The following HPS5 variants were observed in gnomAD, a reference collection of about 807,000 sequenced individuals.
HPS5 encodes the protein BLOC-2 complex member HPS5.
Under a neutral mutation model 128.0 loss-of-function variants are expected in HPS5, and 83 were observed. That is an observed-to-expected ratio of 0.65 (90% CI 0.54 to 0.78). HPS5 has a LOEUF of 0.78. HPS5 is among the 30% of genes least tolerant of loss of function. HPS5 has a pLI of 0.00. For missense variants in HPS5, 1,281 were observed against 1,326.2 expected (o/e 0.97, Z 0.53); for synonymous variants, 475 against 470.2 (o/e 1.01, Z -0.13).
intron 22 of HPS5, chr11:18,280,684 T>G: frequency 1.6e-6 from 1 of 639,670 alleles, no homozygotes; most frequent in South Asian, 1.8e-5. Flanking sequence ...GGCATATATA[T>G]ACAACGGAAT....
At chr11:18,317,225 G>A (rs1277671688) in intron 2 of HPS5, among the ~76,000 whole-genome samples, 1 of 147,304 alleles carries the variant, frequency 6.8e-6, no homozygotes, top group Non-Finnish European at 1.5e-5. Context: ...AGAGACTACT[G>A]TTTCATTCCA....
chr11:18,300,495 G>C (rs956725219), intron 9 of HPS5, among the ~76,000 whole-genome samples: 3 of 151,916 alleles, frequency 2.0e-5, no homozygotes, highest in African/African-American at 7.3e-5. Context: ...TCAGGAATTC[G>C]AGACCAGCCT....
At position 18,292,871 on chromosome 11, in the gene HPS5, C is replaced by T. The variant is rs566541294; in HGVS notation, c.1862+28G>A. The stretch of plus-strand genomic sequence containing the variant: ...CGTTTACTAAACTGCCTTGAGACGT[C>T]ACTATAAAAGTTTCTCATTATACTC... On this transcript the variant is annotated intron_variant, in intron 15 of 22. Coordinates refer to ENST00000349215, the MANE Select transcript of HPS5 (RefSeq NM_181507.2). 126 of 1,543,724 alleles carry T rather than the reference C, an allele frequency of 8.2e-5. 1 individual carries two copies. In the South Asian group the frequency reaches 1.3e-3, roughly 16 times the overall value.
chr11:18,308,232 A>G (rs183016177), intron 6 of HPS5, among the ~76,000 whole-genome samples: 6 of 152,272 alleles, frequency 3.9e-5, no homozygotes, highest in Admixed American at 3.9e-4. Flanking sequence ...TACCCTTGAG[A>G]TTTTGATGAA....
intron 2 of HPS5, among the ~76,000 whole-genome samples, chr11:18,312,877 A>G (rs1564979560): frequency 6.6e-6 from 1 of 152,238 alleles, no homozygotes. Context: ...CACTAAACCC[A>G]GAACACTAAC....
intron 8 of HPS5, 121 bp from the exon 9 acceptor site, chr11:18,301,037 G>C: frequency 1.4e-6 from 1 of 706,078 alleles, no homozygotes; most frequent in South Asian, 1.6e-5. Flanking sequence ...GAAAACACAA[G>C]AGTGATCCAG....
At chr11:18,301,524 C>A (rs1461679780) in intron 8 of HPS5, among the ~76,000 whole-genome samples, 1 of 150,746 alleles carries the variant, frequency 6.6e-6, no homozygotes, top group Non-Finnish European at 1.5e-5. Context: ...GCTTAGGGAC[C>A]TTTACCTGAT....
chr11:18,295,190 A>G, intron 13 of HPS5, 21 bp from the exon 14 acceptor site: 1 of 1,609,308 alleles, frequency 6.2e-7, no homozygotes, highest in Non-Finnish European at 8.5e-7. Context: ...AATAACAAAA[A>G]ACTAACATGA....
At chr11:18,304,149 T>C (rs1439494728) in intron 8 of HPS5, among the ~76,000 whole-genome samples, 2 of 152,004 alleles carry the variant, frequency 1.3e-5, no homozygotes, top group Non-Finnish European at 2.9e-5. Flanking sequence ...AATAAATAAA[T>C]GTCTTTCTCT....
At position 18,279,933 on chromosome 11, in the gene HPS5, T is replaced by G; in HGVS notation, c.3339A>C (p.Ile1113=). Residue 1113 remains isoleucine, a synonymous_variant, in exon 23 of 23, where the codon ATA becomes ATC. Coordinates refer to ENST00000349215, the MANE Select transcript of HPS5 (RefSeq NM_181507.2). ...RIAEKRQRAL[I]QSMLEKCDRF... ...GATCGCATTTTTCAAGCATGCTTTGTATCAAGGCCCTGAAATCCCAAAGAA... is the reference window on the plus strand; with the variant it reads ...GATCGCATTTTTCAAGCATGCTTTGGATCAAGGCCCTGAAATCCCAAAGAA... 6.2e-7 allele frequency: 1 copy of G among 1,614,182 alleles called. No individual in the cohort carries two copies. Among genetic ancestry groups the G allele is most frequent in the African/African-American group, 1.3e-5 (1 of 75,070 alleles).
intron 22 of HPS5, chr11:18,280,609 C>A: frequency 1.4e-6 from 1 of 696,420 alleles, no homozygotes; most frequent in South Asian, 1.5e-5. Context: ...CAGCGTTATT[C>A]ACAATAGCCA....
At chr11:18,300,241 T>A (rs1252587333) in intron 9 of HPS5, among the ~76,000 whole-genome samples, 3 of 152,016 alleles carry the variant, frequency 2.0e-5, no homozygotes, top group Admixed American at 6.5e-5. Context: ...GGGTACATAT[T>A]TATGTACCCC....
chr11:18,289,575 C>T (rs951027213), intron 16 of HPS5, among the ~76,000 whole-genome samples: 1 of 146,946 alleles, frequency 6.8e-6, no homozygotes, highest in African/African-American at 2.6e-5. Context: ...TCTACCTCAA[C>T]TCAGAAAAAA....
rs1858615075 is a variant in HPS5, at chr11:18,279,692, A to G, written c.*190T>C. The G allele has an allele frequency of 4.5e-5, 28 of 626,942 alleles. No individual in the cohort carries two copies. In the South Asian group the frequency reaches 5.1e-4, roughly 12 times the overall value. The allele number at this position is 626,942 out of a possible 1,614,324, so 38.8% of individuals were successfully genotyped here. ...TGCTGAGTACAACTTTGGTTAAGAA[A>G]CACTGAGGTCATGGATAAAGAGTCA... On this transcript the variant is annotated 3_prime_UTR_variant, in exon 23 of 23. Transcript: ENST00000349215.
rs1169243529 is a variant in HPS5, at chr11:18,291,763, A to G, written c.2119T>C (p.Cys707Arg). The G allele has an allele frequency of 1.9e-6, 3 of 1,614,198 alleles. No individual in the cohort carries two copies. Among genetic ancestry groups the G allele is most frequent in the South Asian group, 2.2e-5 (2 of 91,082 alleles). The change falls in exon 16 of 23, where the codon TGT (cysteine) becomes CGT (arginine). Residue 707 changes from cysteine (C) to arginine (R), a missense_variant. Coordinates refer to ENST00000349215, the MANE Select transcript of HPS5 (RefSeq NM_181507.2). ...GNEESVDKTA[C>R]ECVRSPRESL... The stretch of plus-strand genomic sequence containing the variant: ...TCCCTTGGACTCCTTACACATTCAC[A>G]TGCTGTTTTATCAACAGATTCTTCA...
chr11:18,282,274 T>C, intron 21 of HPS5, 54 bp from the exon 22 acceptor site: 1 of 1,598,346 alleles, frequency 6.3e-7, no homozygotes, highest in Non-Finnish European at 8.6e-7. Context: ...ACTGACTGGA[T>C]ACAGGAGATG....
At chr11:18,320,458 A>C (rs542296706) in intron 1 of HPS5, among the ~76,000 whole-genome samples, 1 of 152,172 alleles carries the variant, frequency 6.6e-6, no homozygotes, top group Non-Finnish European at 1.5e-5. Context: ...CAGTCCTCCA[A>C]AGGGCTCACT....
intron 15 of HPS5, 52 bp downstream of exon 15, chr11:18,292,847 G>A (rs985922815): frequency 1.1e-5 from 15 of 1,310,940 alleles, no homozygotes; most frequent in East Asian, 6.9e-5. Context: ...GATTCACTTC[G>A]TTTACTAAAC....
intron 8 of HPS5, among the ~76,000 whole-genome samples, chr11:18,303,670 T>C (rs747805457): frequency 6.6e-6 from 1 of 152,036 alleles, no homozygotes; most frequent in Non-Finnish European, 1.5e-5. Flanking sequence ...CTGGGCAACA[T>C]GGTGAAACCC....
Sources: gnomAD v4.1 joint callset for allele counts (sites outside exome capture counted in the v4.1 genomes callset) on GRCh38, gnomAD v4.1.1 for gene constraint, MANE v1.5 for transcripts, NCBI Gene and HGNC (gene_info 2026-07-23, HGNC 2026-07-21) for gene names.